The following MRAP2 variants were observed in gnomAD, a reference collection of about 807,000 sequenced individuals.
MRAP2 encodes melanocortin-2 receptor accessory protein 2.
In MRAP2, 20 loss-of-function variants were observed where a neutral mutation model predicts 17.4. The ratio of observed to expected loss-of-function variants is 1.15; its 90% CI spans 0.81 to 1.67. The LOEUF (loss-of-function observed/expected upper bound fraction) is 1.67, where lower values mean the gene tolerates loss of function less well. Ranked by LOEUF, MRAP2 falls within the 40% of genes most tolerant of loss-of-function variation. The pLI is 0.00. For synonymous variants in MRAP2, 96 were observed against 88.4 expected (o/e 1.09, Z -0.48); for missense variants, 238 against 240.0 (o/e 0.99, Z 0.05).
intron 1 of MRAP2, among the ~76,000 whole-genome samples, chr6:84,050,433 A>G (rs1359508281): frequency 1.3e-5 from 2 of 152,204 alleles, no homozygotes; most frequent in African/African-American, 4.8e-5. Context: ...AGTGTGATTC[A>G]TAACCTTGAA....
intron 1 of MRAP2, among the ~76,000 whole-genome samples, chr6:84,053,134 G>A (rs989869851): frequency 6.6e-6 from 1 of 152,104 alleles, no homozygotes; most frequent in Non-Finnish European, 1.5e-5. Context: ...GCGTGGCCGT[G>A]GGAGAACAGC....
At position 84,033,894 on chromosome 6, in the gene MRAP2, G is replaced by T. The variant is rs1173539174; in HGVS notation, c.-8+11G>T. ...GGGGCTAGCCAGCCGGTAACCACGG[G>T]CGGGACAGGGCGCCCAGGGCGGAGC... On this transcript the variant is annotated intron_variant, in intron 1 of 3. Transcript: ENST00000257776. 14 of 985,824 alleles carry T rather than the reference G, an allele frequency of 1.4e-5. No individual in the cohort carries two copies. The highest frequency in any genetic ancestry group is 1.8e-5 in the African/African-American group (1 of 57,016). 61.1% of individuals were successfully genotyped at this position (985,824 alleles called of 1,614,324 possible).
chr6:84,040,117 G>A (rs1456611697), intron 1 of MRAP2, among the ~76,000 whole-genome samples: 1 of 152,136 alleles, frequency 6.6e-6, no homozygotes, highest in Non-Finnish European at 1.5e-5. Flanking sequence ...GGAGGTAATT[G>A]AATCAGGGGG....
At chr6:84,035,780 C>G (rs6938302) in intron 1 of MRAP2, among the ~76,000 whole-genome samples, 35,695 of 152,088 alleles carry the variant, frequency 0.23, 10,730 homozygotes, top group African/African-American at 0.7. Flanking sequence ...TTCTGGAAAG[C>G]TGTTCGCTTC....
intron 3 of MRAP2, among the ~76,000 whole-genome samples, chr6:84,088,713 A>G (rs1383332871): frequency 8.5e-5 from 13 of 152,216 alleles, no homozygotes; most frequent in Non-Finnish European, 4.4e-5. Flanking sequence ...CTGAGCCTAC[A>G]TTCACAGATT....
intron 1 of MRAP2, among the ~76,000 whole-genome samples, chr6:84,041,582 T>G (rs1045132974): frequency 8.5e-5 from 13 of 152,286 alleles, no homozygotes; most frequent in Admixed American, 7.2e-4. Flanking sequence ...GGGGTGAAGC[T>G]GCCCAAGGCT....
downstream of MRAP2, among the ~76,000 whole-genome samples, chr6:84,095,186 A>G (rs541143497): frequency 1.1e-4 from 16 of 152,326 alleles, no homozygotes; most frequent in African/African-American, 3.4e-4. Context: ...TGTTTTGACA[A>G]TGGGTTGCAA....
At position 84,055,463 on chromosome 6, in the gene MRAP2, C is replaced by A. The variant is rs370438412; in HGVS notation, c.127+18C>A. 1.4e-4 allele frequency: 225 copies of A among 1,606,352 alleles called. No individual in the cohort carries two copies. Among genetic ancestry groups the A allele is most frequent in the Middle Eastern group, 5.0e-4 (3 of 6,050 alleles). On this transcript the variant is annotated intron_variant, in intron 2 of 3. Coordinates refer to ENST00000257776, the MANE Select transcript of MRAP2 (RefSeq NM_138409.4). ...TCATAAATGTAAGTTTTATACAATT[C>A]CTCATTGAAAGCATAATTGTATTTC...
downstream of MRAP2, among the ~76,000 whole-genome samples, chr6:84,093,303 T>C (rs1173782546): frequency 1.3e-5 from 2 of 152,100 alleles, no homozygotes; most frequent in African/African-American, 4.8e-5. Flanking sequence ...TGGGGACTTA[T>C]CCTATGTAGG....
upstream of MRAP2, chr6:84,033,660 GC>G (rs1367244098): frequency 3.1e-6 from 3 of 981,684 alleles, no homozygotes; most frequent in African/African-American, 5.3e-5. Flanking sequence ...TGGGGAGGCG[GC>G]TCTCGCGCTG....
chr6:84,122,788 T>C, the MRAP2 span, among the ~76,000 whole-genome samples: 1 of 152,074 alleles, frequency 6.6e-6, no homozygotes, highest in Non-Finnish European at 1.5e-5. Flanking sequence ...CAAAGTCAAA[T>C]AATCTGTTTT....
chr6:84,046,249 G>A (rs760064694), intron 1 of MRAP2, among the ~76,000 whole-genome samples: 1 of 152,098 alleles, frequency 6.6e-6, no homozygotes, highest in Admixed American at 6.6e-5. Flanking sequence ...AAATAAAAAT[G>A]CTGGAAACTC....
the MRAP2 span, among the ~76,000 whole-genome samples, chr6:84,117,505 T>C: frequency 6.6e-6 from 1 of 151,970 alleles, no homozygotes; most frequent in Admixed American, 6.6e-5. Context: ...CTTTTTTTTT[T>C]GGTTGGTAAG....
At chr6:84,138,444 T>C in the MRAP2 span, among the ~76,000 whole-genome samples, 1 of 152,152 alleles carries the variant, frequency 6.6e-6, no homozygotes, top group East Asian at 1.9e-4. Flanking sequence ...TGAGAGGAAA[T>C]GCCTCATAAT....
intron 1 of MRAP2, among the ~76,000 whole-genome samples, chr6:84,050,012 T>C (rs2129162253): frequency 6.9e-6 from 1 of 144,092 alleles, no homozygotes; most frequent in East Asian, 1.9e-4. Context: ...GCGTGTAATG[T>C]CTCTAGACTG....
chr6:84,069,727 CT>C (rs1028678711), intron 3 of MRAP2, among the ~76,000 whole-genome samples: 1 of 151,966 alleles, frequency 6.6e-6, no homozygotes, highest in African/African-American at 2.4e-5. Flanking sequence ...TGGTTCTGGA[CT>C]TTTTTTATTG....
At chr6:84,071,503 G>T (rs1353528825) in intron 3 of MRAP2, among the ~76,000 whole-genome samples, 1 of 152,148 alleles carries the variant, frequency 6.6e-6, no homozygotes, top group Non-Finnish European at 1.5e-5. Flanking sequence ...CTGTCTCACA[G>T]CTCTTAAGAT....
At chr6:84,103,220 G>A in the MRAP2 span, among the ~76,000 whole-genome samples, 289 of 152,300 alleles carry the variant, frequency 1.9e-3, 2 homozygotes, top group Non-Finnish European at 2.6e-3. Flanking sequence ...GGGTAGAAAC[G>A]TAGATCCAAT....
chr6:84,123,466 T>C, the MRAP2 span, among the ~76,000 whole-genome samples: 1 of 151,932 alleles, frequency 6.6e-6, no homozygotes, highest in Non-Finnish European at 1.5e-5. Context: ...AACAAAAATA[T>C]ACACTGGGGA....
Sources: allele counts gnomAD v4.1 joint callset (sites outside exome capture counted in the v4.1 genomes callset), GRCh38; gene constraint gnomAD v4.1.1; transcripts MANE v1.5; gene names NCBI Gene and HGNC (gene_info 2026-07-23, HGNC 2026-07-21).